THSD7B: variants seen among roughly 807,000 people sequenced by gnomAD.
THSD7B encodes the protein thrombospondin type-1 domain-containing protein 7B.
THSD7B carries 138 observed loss-of-function variants against 213.6 expected under a neutral mutation model. The ratio of observed to expected loss-of-function variants is 0.65; its 90% CI spans 0.56 to 0.74. The LOEUF (loss-of-function observed/expected upper bound fraction) is 0.74, where lower values mean the gene tolerates loss of function less well. THSD7B is among the 30% of genes least tolerant of loss of function. THSD7B has a pLI of 0.00. For synonymous variants in THSD7B, 742 were observed against 687.0 expected (o/e 1.08, Z -1.25); for missense variants, 1,931 against 1,991.5 (o/e 0.97, Z 0.58).
intron 12 of THSD7B, among the ~76,000 whole-genome samples, chr2:137,386,229 C>T (rs892465691): frequency 5.9e-5 from 9 of 152,176 alleles, no homozygotes; most frequent in Non-Finnish European, 8.8e-5. Context: ...GGCTGATGCT[C>T]GGGGTCCCAG....
intron 17 of THSD7B, among the ~76,000 whole-genome samples, chr2:137,602,741 T>C (rs1017454942): frequency 2.6e-5 from 4 of 152,176 alleles, no homozygotes; most frequent in Admixed American, 2.6e-4. Flanking sequence ...AGAATTAATC[T>C]ACTCATGAGA....
intron 2 of THSD7B, among the ~76,000 whole-genome samples, chr2:136,937,479 C>A (rs1684755570): frequency 6.6e-6 from 1 of 152,020 alleles, no homozygotes; most frequent in Non-Finnish European, 1.5e-5. Flanking sequence ...CTTTATGCTG[C>A]CCCGAGTCAA....
intron 7 of THSD7B, among the ~76,000 whole-genome samples, chr2:137,213,919 A>C (rs974578897): frequency 6.6e-6 from 1 of 152,104 alleles, no homozygotes; most frequent in African/African-American, 2.4e-5. Context: ...TCTATCTTAT[A>C]AGCTTGACAT....
At chr2:137,272,176 C>A (rs1682760329) in intron 10 of THSD7B, among the ~76,000 whole-genome samples, 2 of 151,958 alleles carry the variant, frequency 1.3e-5, no homozygotes, top group African/African-American at 4.8e-5. Context: ...GACTGAGTTG[C>A]TAATAATAAA....
chr2:137,075,177 G>A (rs1319688920), intron 3 of THSD7B, among the ~76,000 whole-genome samples: 1 of 152,206 alleles, frequency 6.6e-6, no homozygotes, highest in Admixed American at 6.5e-5. Flanking sequence ...ATCCTGCAGA[G>A]TATTTTCCAA....
chr2:137,290,633 T>C (rs1422569225), intron 12 of THSD7B, among the ~76,000 whole-genome samples: 2 of 152,178 alleles, frequency 1.3e-5, no homozygotes, highest in Admixed American at 6.5e-5. Flanking sequence ...TAGGTCTTTA[T>C]TTCAAGGGAA....
At chr2:137,203,260 A>G (rs1330566336) in intron 7 of THSD7B, among the ~76,000 whole-genome samples, 1 of 152,092 alleles carries the variant, frequency 6.6e-6, no homozygotes, top group Non-Finnish European at 1.5e-5. Flanking sequence ...ATAAAATGAG[A>G]ACTCTTATCT....
chr2:137,085,649 A>G (rs1687824272), intron 3 of THSD7B, among the ~76,000 whole-genome samples: 1 of 152,114 alleles, frequency 6.6e-6, no homozygotes, highest in African/African-American at 2.4e-5. Flanking sequence ...TAAATATCTG[A>G]TGGGTGATGG....
intron 4 of THSD7B, among the ~76,000 whole-genome samples, 191 bp downstream of exon 4, chr2:137,095,312 C>T (rs1236663961): frequency 2.0e-5 from 3 of 152,144 alleles, no homozygotes; most frequent in Non-Finnish European, 2.9e-5. Flanking sequence ...GGTTTAAGTC[C>T]TGTTTCTGTG....
intron 20 of THSD7B, among the ~76,000 whole-genome samples, chr2:137,641,536 T>A (rs761281287): frequency 2.1e-4 from 32 of 152,190 alleles, no homozygotes; most frequent in Non-Finnish European, 4.4e-4. Context: ...CTAATAGTAA[T>A]TAAATTATAT....
intron 25 of THSD7B, among the ~76,000 whole-genome samples, chr2:137,662,948 C>G (rs1683378526): frequency 6.6e-6 from 1 of 151,578 alleles, no homozygotes; most frequent in African/African-American, 2.4e-5. Context: ...GCCTATAATC[C>G]CAGCTACTCG....
chr2:137,455,376 A>C lies in THSD7B; in HGVS notation c.3138+4353A>C, dbSNP rs139618458. 5.9e-5 allele frequency among the ~76,000 whole-genome samples: 9 copies of C among 152,266 alleles called. 1 individual carries two copies. The East Asian group carries it at 1.7e-3, about 29-fold the overall frequency. ...AATCCCCAAATTATCATTGCCCAAA[A>C]AGTCTTTACAATTTTCCTGGAACAT... On this transcript the variant is annotated intron_variant, in intron 15 of 27. Coordinates refer to ENST00000409968, the MANE Select transcript of THSD7B (RefSeq NM_001316349.2).
chr2:137,575,727 T>C lies in THSD7B; in HGVS notation c.3423+3171T>C, dbSNP rs73958896. Among the ~76,000 whole-genome samples the C allele has an allele frequency of 5.8e-3, 666 of 114,668 alleles. 2 individuals carry two copies. The highest frequency in any genetic ancestry group is 0.016 in the African/African-American group (547 of 34,576). 75.2% of individuals were successfully genotyped at this position (114,668 alleles called of 152,430 possible). On this transcript the variant is annotated intron_variant, in intron 17 of 27. Transcript: ENST00000409968. ...TTTTTTCTTATTCCCATAACACACA[T>C]ATATATATATATATATTTTTACTTT...
chr2:137,227,713 A>G (rs1681541372), intron 7 of THSD7B, among the ~76,000 whole-genome samples: 1 of 152,182 alleles, frequency 6.6e-6, no homozygotes, highest in Non-Finnish European at 1.5e-5. Flanking sequence ...CCATGTCAAT[A>G]AAAGGATCTG....
At chr2:136,898,999 T>C (rs1037763261) in intron 2 of THSD7B, among the ~76,000 whole-genome samples, 4 of 152,098 alleles carry the variant, frequency 2.6e-5, no homozygotes, top group African/African-American at 9.7e-5. Flanking sequence ...CACTCCTGGA[T>C]TTTTACCATG....
intron 15 of THSD7B, among the ~76,000 whole-genome samples, chr2:137,474,533 GCT>G (rs1387776236): frequency 6.6e-6 from 1 of 152,084 alleles, no homozygotes; most frequent in African/African-American, 2.4e-5. Flanking sequence ...TTTCTTGTTA[GCT>G]CTCTTTTAGT....
rs200545780 is a variant in THSD7B at position 137,054,766 on chromosome 2, C to CT, written c.140-1640dup. On this transcript the variant is annotated intron_variant, in intron 2 of 27. Coordinates refer to ENST00000409968, the MANE Select transcript of THSD7B (RefSeq NM_001316349.2). ...AAGGTACCTAGTTAAGCTGATAAAA[C>CT]TTTTTTTTTTTTTTAATTTTAAGTT... Among the ~76,000 whole-genome samples, 541 of 145,138 alleles carry CT rather than the reference C, an allele frequency of 3.7e-3. 5 individuals are homozygous for CT. Among genetic ancestry groups the CT allele is most frequent in the African/African-American group, 0.011 (420 of 39,606 alleles).
At chr2:137,546,385 ATT>A (rs1680715509) in intron 15 of THSD7B, among the ~76,000 whole-genome samples, 4 of 34,716 alleles carry the variant, frequency 1.2e-4, no homozygotes, top group African/African-American at 1.6e-4. Context: ...TAATATATAT[ATT>A]ATATATATTA....
At chr2:137,654,117 A>G (rs1683188876) in intron 21 of THSD7B, among the ~76,000 whole-genome samples, 1 of 151,320 alleles carries the variant, frequency 6.6e-6, no homozygotes, top group African/African-American at 2.4e-5. Context: ...CTTTTTTTCT[A>G]CTGCTAAGTT....
Sources: allele counts gnomAD v4.1 joint callset (sites outside exome capture counted in the v4.1 genomes callset), GRCh38; gene constraint gnomAD v4.1.1; transcripts MANE v1.5; gene names NCBI Gene and HGNC (gene_info 2026-07-23, HGNC 2026-07-21).